The following CEP63 variants were observed in gnomAD, a reference collection of about 807,000 sequenced individuals.
CEP63 encodes the protein centrosomal protein of 63 kDa.
CEP63 carries 84 observed loss-of-function variants against 89.1 expected under a neutral mutation model. The observed-to-expected ratio is 0.94, with a 90% confidence interval of 0.79 to 1.13. The LOEUF (loss-of-function observed/expected upper bound fraction) is 1.13. Among genes scored for constraint, CEP63 ranks in the 50% most tolerant of loss-of-function variants. The probability of loss-of-function intolerance (pLI) is 0.00; values close to 1 mark genes in which losing one functional copy is unlikely to be tolerated. For synonymous variants in CEP63, 267 were observed against 272.5 expected, an observed-to-expected ratio of 0.98 and a Z score of 0.20; for missense variants, 838 against 813.3, an observed-to-expected ratio of 1.03 and a Z score of -0.37.
chr3:134,505,295 A>G (rs976993134), intron 2 of CEP63, among the ~76,000 whole-genome samples: 37 of 151,752 alleles, frequency 2.4e-4, no homozygotes, highest in African/African-American at 9.0e-4. Context: ...AGGTGTATCT[A>G]TAGTGTTGGT....
At chr3:134,660,426 C>T in the CEP63 span, among the ~76,000 whole-genome samples, 1 of 152,172 alleles carries the variant, frequency 6.6e-6, no homozygotes, top group Non-Finnish European at 1.5e-5. Context: ...GAAATAGAGG[C>T]TCAGGGAGGT....
chr3:134,689,112 T>C, the CEP63 span, among the ~76,000 whole-genome samples: 1 of 152,222 alleles, frequency 6.6e-6, no homozygotes, highest in Non-Finnish European at 1.5e-5. Context: ...TCCCCAGCTC[T>C]TGAATCTCCT....
the CEP63 span, chr3:134,608,927 C>T: frequency 5.5e-6 from 8 of 1,448,300 alleles, no homozygotes; most frequent in Non-Finnish European, 7.4e-6. Context: ...CTATGGACAC[C>T]CTGGATGGGA....
chr3:134,508,175 G>A (rs1480811598), intron 3 of CEP63, among the ~76,000 whole-genome samples: 2 of 152,200 alleles, frequency 1.3e-5, no homozygotes, highest in Admixed American at 6.5e-5. Flanking sequence ...GTAACAAAGA[G>A]TTTGACTTGT....
intron 2 of CEP63, among the ~76,000 whole-genome samples, chr3:134,502,654 A>G (rs1942351651): frequency 6.6e-6 from 1 of 151,816 alleles, no homozygotes; most frequent in Non-Finnish European, 1.5e-5. Context: ...CTTCTATGGG[A>G]TTGGTTGTAA....
At chr3:134,501,798 T>C (rs1942077251) in intron 2 of CEP63, among the ~76,000 whole-genome samples, 1 of 152,230 alleles carries the variant, frequency 6.6e-6, no homozygotes, top group Non-Finnish European at 1.5e-5. Flanking sequence ...ACTTTTTCTT[T>C]TCCTATTTGA....
intron 2 of CEP63, 158 bp downstream of exon 2, chr3:134,495,522 G>A: frequency 1.6e-6 from 1 of 607,222 alleles, no homozygotes; most frequent in Non-Finnish European, 2.9e-6. Context: ...TTTTTGTGTT[G>A]GGAACATTTC....
the CEP63 span, among the ~76,000 whole-genome samples, chr3:134,705,227 G>A: frequency 1.3e-5 from 2 of 152,196 alleles, no homozygotes; most frequent in Admixed American, 1.3e-4. Context: ...CAAGGGGCAT[G>A]GCACTGGCAT....
the CEP63 span, among the ~76,000 whole-genome samples, chr3:134,778,618 G>T: frequency 6.6e-6 from 1 of 152,008 alleles, no homozygotes; most frequent in Non-Finnish European, 1.5e-5. Context: ...GAGTGCAGTG[G>T]CGCAATCTCT....
At chr3:134,647,175 G>A in the CEP63 span, among the ~76,000 whole-genome samples, 1 of 152,188 alleles carries the variant, frequency 6.6e-6, no homozygotes, top group East Asian at 1.9e-4. Context: ...CTCCCCTACG[G>A]CTCAGCCAGC....
chr3:134,499,261 G>C (rs1941213936), intron 2 of CEP63, among the ~76,000 whole-genome samples: 1 of 151,944 alleles, frequency 6.6e-6, no homozygotes, highest in Non-Finnish European at 1.5e-5. Flanking sequence ...GTTCAATCTT[G>C]GTAGGAATTT....
chr3:134,610,582 G>T, the CEP63 span: 2 of 568,322 alleles, frequency 3.5e-6, no homozygotes, highest in South Asian at 4.4e-5. Context: ...TACAGTGCTG[G>T]CTGGTCCTGT....
the CEP63 span, among the ~76,000 whole-genome samples, chr3:134,666,868 C>T: frequency 6.6e-6 from 1 of 152,168 alleles, no homozygotes; most frequent in Non-Finnish European, 1.5e-5. Context: ...TGAGGTCTAG[C>T]GATGGCAAGT....
chr3:134,635,383 G>C, the CEP63 span, among the ~76,000 whole-genome samples: 22 of 150,964 alleles, frequency 1.5e-4, no homozygotes, highest in Non-Finnish European at 2.8e-4. Context: ...TGTAACCCCA[G>C]CTACTCGGGA....
the CEP63 span, among the ~76,000 whole-genome samples, chr3:134,617,010 T>G: frequency 6.6e-6 from 1 of 152,106 alleles, no homozygotes; most frequent in African/African-American, 2.4e-5. Context: ...GGTGGTAAAT[T>G]AAAAACTGGG....
At chr3:134,570,600 A>G (rs1577492312) in intron 11 of CEP63, among the ~76,000 whole-genome samples, 1 of 152,206 alleles carries the variant, frequency 6.6e-6, no homozygotes, top group African/African-American at 2.4e-5. Flanking sequence ...CCATTCAACA[A>G]GTCTCTAGGA....
At chr3:134,743,154 G>C in the CEP63 span, among the ~76,000 whole-genome samples, 1 of 152,200 alleles carries the variant, frequency 6.6e-6, no homozygotes, top group Non-Finnish European at 1.5e-5. Context: ...CAGCATTCCT[G>C]AGCCTTGAGG....
Position 134,562,448 on chromosome 3 carries a change from C to A in CEP63, c.*913C>A, listed in dbSNP as rs529979923. 6.4e-6 allele frequency: 1 copy of A among 155,510 alleles called. No individual in the cohort carries two copies. Among genetic ancestry groups the A allele is most frequent in the African/African-American group, 2.4e-5 (1 of 41,614 alleles). 9.6% of individuals were successfully genotyped at this position (155,510 alleles called of 1,614,324 possible). A position where few individuals can be genotyped will look rare whatever the true frequency, so the allele number is the denominator to read the frequency against. ...GGTCAGTGTAGTGTACTTGCCAGCTCAAGGGTGTGGCCTCTGTGAACCCTC... is the reference window on the plus strand; with the variant it reads ...GGTCAGTGTAGTGTACTTGCCAGCTAAAGGGTGTGGCCTCTGTGAACCCTC... On this transcript the variant is annotated 3_prime_UTR_variant, in exon 15 of 15. Coordinates refer to ENST00000675561, the MANE Select transcript of CEP63 (RefSeq NM_001353108.3).
chr3:134,551,223 C>T (rs1260905799), intron 11 of CEP63, among the ~76,000 whole-genome samples: 1 of 152,084 alleles, frequency 6.6e-6, no homozygotes, highest in Non-Finnish European at 1.5e-5. Flanking sequence ...AGATTAAAAT[C>T]AGGATTAGGC....
Sources: gnomAD v4.1 joint callset for allele counts (sites outside exome capture counted in the v4.1 genomes callset) on GRCh38, gnomAD v4.1.1 for gene constraint, MANE v1.5 for transcripts, NCBI Gene and HGNC (gene_info 2026-07-23, HGNC 2026-07-21) for gene names.